The following SIK3 variants were observed in gnomAD, a reference collection of about 807,000 sequenced individuals.
SIK3 encodes the protein SIK family kinase 3.
In SIK3, 28 loss-of-function variants were observed where a neutral mutation model predicts 144.2. The observed-to-expected ratio is 0.19, with a 90% CI of 0.14 to 0.27. SIK3 has a LOEUF of 0.27. SIK3 is among the 10% of genes least tolerant of loss of function. The pLI is 1.00. For synonymous variants in SIK3, 686 were observed against 676.3 expected, an observed-to-expected ratio of 1.01 and a Z score of -0.22; for missense variants, 1,319 against 1,776.0, an observed-to-expected ratio of 0.74 and a Z score of 4.62.
intron 6 of SIK3, among the ~76,000 whole-genome samples, chr11:116,892,680 A>G (rs890581844): frequency 6.6e-6 from 1 of 152,204 alleles, no homozygotes; most frequent in Non-Finnish European, 1.5e-5. Context: ...AAAACTATCC[A>G]TGCTCTTACC....
chr11:117,030,666 T>C (rs1591571896), intron 1 of SIK3, among the ~76,000 whole-genome samples: 2 of 152,342 alleles, frequency 1.3e-5, no homozygotes, highest in East Asian at 3.9e-4. Context: ...ATATTATTTT[T>C]TCCTTTAAAA....
chr11:116,980,922 G>GT lies in SIK3; in HGVS notation c.274-23859dup. ...ATCATAAGTCTGGGGGCATCTGCATGTTTTTTATTTCTAGAAGTTCTACAG... is the reference window on the plus strand; with the variant it reads ...ATCATAAGTCTGGGGGCATCTGCATGTTTTTTTATTTCTAGAAGTTCTACAG... On this transcript the variant is annotated intron_variant, in intron 1 of 24. Coordinates refer to ENST00000445177, the MANE Select transcript of SIK3 (RefSeq NM_001366686.3). 2.0e-5 allele frequency among the ~76,000 whole-genome samples: 3 copies of GT among 152,088 alleles called. No homozygotes were observed. In the East Asian group the frequency reaches 5.8e-4, roughly 29 times the overall value.
At chr11:117,024,255 T>A (rs959361273) in intron 1 of SIK3, among the ~76,000 whole-genome samples, 1 of 151,662 alleles carries the variant, frequency 6.6e-6, no homozygotes, top group Non-Finnish European at 1.5e-5. Flanking sequence ...CTTTTGTCAG[T>A]TGATTTTCAG....
chr11:117,075,816 A>G (rs1336070485), intron 1 of SIK3, among the ~76,000 whole-genome samples: 24 of 124,460 alleles, frequency 1.9e-4, no homozygotes, highest in African/African-American at 7.4e-4. Context: ...TGCTGGGATT[A>G]TAGGCGTGAG....
chr11:116,899,442 A>G (rs924184259), intron 4 of SIK3, among the ~76,000 whole-genome samples: 3 of 152,148 alleles, frequency 2.0e-5, no homozygotes, highest in Non-Finnish European at 4.4e-5. Context: ...TTGGACCCAG[A>G]ATTTTTATGT....
At chr11:116,945,276 G>A (rs1432559680) in intron 3 of SIK3, among the ~76,000 whole-genome samples, 2 of 151,130 alleles carry the variant, frequency 1.3e-5, no homozygotes, top group Non-Finnish European at 2.9e-5. Flanking sequence ...TGGCTGTCGT[G>A]TTGGGCAGTG....
intron 22 of SIK3, among the ~76,000 whole-genome samples, chr11:116,847,985 T>C (rs929314921): frequency 6.6e-6 from 1 of 152,186 alleles, no homozygotes; most frequent in African/African-American, 2.4e-5. Context: ...CTGTCCAATA[T>C]GGTAACCAGT....
intron 11 of SIK3, among the ~76,000 whole-genome samples, chr11:116,874,508 A>G (rs535440227): frequency 8.5e-5 from 13 of 152,374 alleles, no homozygotes; most frequent in East Asian, 3.9e-4. Flanking sequence ...TCTTGCTACA[A>G]TGATAGGTTT....
At chr11:117,089,135 G>T (rs538018559) in intron 1 of SIK3, among the ~76,000 whole-genome samples, 4 of 152,230 alleles carry the variant, frequency 2.6e-5, no homozygotes, top group African/African-American at 7.2e-5. Flanking sequence ...GCCGGGCGCG[G>T]TGGCTCACGC....
At chr11:117,071,547 T>C (rs1175879655) in intron 1 of SIK3, among the ~76,000 whole-genome samples, 1 of 151,674 alleles carries the variant, frequency 6.6e-6, no homozygotes, top group Non-Finnish European at 1.5e-5. Context: ...CAAATATTTG[T>C]AGATGAAACA....
At chr11:117,093,741 G>A (rs1398429671) in intron 1 of SIK3, among the ~76,000 whole-genome samples, 1 of 151,530 alleles carries the variant, frequency 6.6e-6, no homozygotes, top group Non-Finnish European at 1.5e-5. Context: ...AGATTAGCCA[G>A]CCTGTACCCT....
chr11:116,918,706 G>A (rs1946801043), intron 4 of SIK3, among the ~76,000 whole-genome samples: 1 of 152,124 alleles, frequency 6.6e-6, no homozygotes, highest in Admixed American at 6.5e-5. Flanking sequence ...AGATATACGA[G>A]AAACCGTAGG....
intron 3 of SIK3, among the ~76,000 whole-genome samples, chr11:116,939,495 A>C (rs992261711): frequency 3.0e-4 from 46 of 152,242 alleles, no homozygotes; most frequent in Non-Finnish European, 6.6e-4. Flanking sequence ...GGAGTAGATA[A>C]AACATTACGT....
intron 3 of SIK3, among the ~76,000 whole-genome samples, chr11:116,952,718 T>C (rs1331282460): frequency 6.6e-6 from 1 of 152,222 alleles, no homozygotes; most frequent in East Asian, 1.9e-4. Flanking sequence ...CAAAGTAATA[T>C]GTTGATTTCC....
chr11:116,858,222 G>A lies in SIK3; in HGVS notation c.3243C>T (p.Ser1081=), dbSNP rs770511850. 1.2e-6 allele frequency: 2 copies of A among 1,614,132 alleles called. No homozygotes were observed. The highest frequency in any genetic ancestry group is 2.2e-5 in the East Asian group (1 of 44,882). Residue 1081 remains serine (S), a synonymous_variant, in exon 21 of 25, where the codon AGC becomes AGT. Coordinates refer to ENST00000445177, the MANE Select transcript of SIK3 (RefSeq NM_001366686.3). The surrounding 1 kb of genome is among the most constrained non-coding windows in gnomAD (Gnocchi z 5.4). The part of the protein sequence containing the change: ...NQGDAGSLAP[S]LGGQSMTERQ... ...GCTCTGTCATGCTCTGTCCCCCAAG[G>A]CTGGGAGCCAGACTCCCCGCATCCC...
intron 21 of SIK3, 128 bp downstream of exon 21, chr11:116,857,682 A>G: frequency 7.0e-7 from 1 of 1,432,032 alleles, no homozygotes; most frequent in Non-Finnish European, 9.2e-7. Context: ...TCTCCCCAAG[A>G]AGGTCGTGAA....
intron 1 of SIK3, among the ~76,000 whole-genome samples, chr11:116,991,548 A>G (rs1239820506): frequency 6.6e-6 from 1 of 152,248 alleles, no homozygotes. Flanking sequence ...CTAAGTTACA[A>G]ATTCATTATT....
intron 14 of SIK3, 49 bp downstream of exon 14, chr11:116,870,282 G>A: frequency 1.2e-6 from 2 of 1,611,532 alleles, no homozygotes; most frequent in Non-Finnish European, 1.7e-6. Context: ...GCTGGTTGCA[G>A]GGGAGCCTGC....
chr11:116,957,443 A>C (rs1277292700), intron 1 of SIK3, among the ~76,000 whole-genome samples: 1 of 152,218 alleles, frequency 6.6e-6, no homozygotes, highest in Non-Finnish European at 1.5e-5. Flanking sequence ...AAAATAAAAA[A>C]TTTTTAAAAA....
Sources: allele counts gnomAD v4.1 joint callset (sites outside exome capture counted in the v4.1 genomes callset), GRCh38; gene constraint gnomAD v4.1.1; non-coding constraint Gnocchi (gnomAD v3.1); transcripts MANE v1.5; gene names NCBI Gene and HGNC (gene_info 2026-07-23, HGNC 2026-07-21).